The following MGAT4A variants were observed in gnomAD, a reference collection of about 807,000 sequenced individuals.
MGAT4A encodes the protein alpha-1,3-mannosyl-glycoprotein 4-beta-N-acetylglucosaminyltransferase A.
MGAT4A carries 33 observed loss-of-function variants against 74.1 expected under a neutral mutation model. The observed-to-expected ratio is 0.45, with a 90% CI of 0.34 to 0.60. The LOEUF (loss-of-function observed/expected upper bound fraction) is 0.60, where lower values mean the gene tolerates loss of function less well. Among genes scored for constraint, MGAT4A ranks in the 20% least tolerant of loss-of-function variants. The pLI is 0.02. For missense variants in MGAT4A, 479 were observed against 628.3 expected, an observed-to-expected ratio of 0.76 and a Z score of 2.54; for synonymous variants, 198 against 210.4, an observed-to-expected ratio of 0.94 and a Z score of 0.51.
chr2:98,701,486 A>C (rs1702355440), intron 2 of MGAT4A, among the ~76,000 whole-genome samples: 1 of 152,252 alleles, frequency 6.6e-6, no homozygotes. Context: ...TATGTCGGCC[A>C]TGAATAATAT....
intron 8 of MGAT4A, among the ~76,000 whole-genome samples, chr2:98,649,375 C>A (rs923870120): frequency 6.6e-6 from 1 of 152,148 alleles, no homozygotes; most frequent in African/African-American, 2.4e-5. Context: ...CATTCCACAG[C>A]CAGAGGCCCT....
intron 10 of MGAT4A, among the ~76,000 whole-genome samples, chr2:98,642,624 A>C (rs1701426918): frequency 1.3e-5 from 2 of 152,224 alleles, no homozygotes; most frequent in Non-Finnish European, 2.9e-5. Context: ...GGACGAATGG[A>C]ATGCAAGTGT....
Position 98,625,086 on chromosome 2 carries a change from A to G in MGAT4A, c.*480T>C. 1.0e-6 allele frequency: 1 copy of G among 964,594 alleles called. No individual in the cohort carries two copies. The highest frequency in any genetic ancestry group is 1.2e-6 in the Non-Finnish European group (1 of 810,828). The allele number at this position is 964,594 out of a possible 1,614,324, so 59.8% of individuals were successfully genotyped here. A position where few individuals can be genotyped will look rare whatever the true frequency, so the allele number is the denominator to read the frequency against. ...TATCGATTCAAAAATCTACTGCACAAAAATATGTACTTCTTAAGTGTTTCT... is the reference window on the plus strand; with the variant it reads ...TATCGATTCAAAAATCTACTGCACAGAAATATGTACTTCTTAAGTGTTTCT... On this transcript the variant is annotated 3_prime_UTR_variant, in exon 16 of 16. Coordinates refer to ENST00000393487, the MANE Select transcript of MGAT4A (RefSeq NM_012214.3).
intron 2 of MGAT4A, among the ~76,000 whole-genome samples, chr2:98,690,252 G>A (rs754820496): frequency 6.6e-6 from 1 of 152,240 alleles, no homozygotes; most frequent in Non-Finnish European, 1.5e-5. Context: ...GAAAGACTGA[G>A]TGAGGGAGCT....
At chr2:98,710,181 A>G (rs1290719010) in intron 2 of MGAT4A, among the ~76,000 whole-genome samples, 10 of 152,204 alleles carry the variant, frequency 6.6e-5, no homozygotes, top group Non-Finnish European at 1.5e-4. Context: ...CTAATTCCAC[A>G]TCATCAGACA....
Position 98,623,592 on chromosome 2 carries a change from A to G in MGAT4A, c.*1974T>C, listed in dbSNP as rs1701094651. ...AAATTTGAGAAGAAAAAAATTCAAG[A>G]AAGTGAAAAGTAAATTTAAAACATC... On this transcript the variant is annotated 3_prime_UTR_variant, in exon 16 of 16. Transcript: ENST00000393487. 2 of 985,232 alleles carry G rather than the reference A, an allele frequency of 2.0e-6. No homozygotes were observed. Among genetic ancestry groups the G allele is most frequent in the African/African-American group, 1.7e-5 (1 of 57,234 alleles). The allele number at this position is 985,232 out of a possible 1,614,324, so 61.0% of individuals were successfully genotyped here.
rs375969022 is a variant in MGAT4A, at chr2:98,663,094, C to T, written c.489G>A (p.Leu163=). The T allele has an allele frequency of 1.2e-5, 19 of 1,599,108 alleles. No homozygotes were observed. Among genetic ancestry groups the T allele is most frequent in the Non-Finnish European group, 1.5e-5 (18 of 1,170,314 alleles). ...IETLHSLIDN[L]YPEEKLDCVI... is the part of the protein sequence containing the mutation. ...CACAGTCCAACTTCTCTTCAGGATA[C>T]AGGTTATCAATAAGGGAATGAAGAG... The change falls in exon 5 of 16, where the codon CTG becomes CTA. Residue 163 remains leucine (L), a synonymous_variant. Coordinates refer to ENST00000393487, the MANE Select transcript of MGAT4A (RefSeq NM_012214.3).
In MGAT4A at chr2:98,679,128, C is replaced by T. The variant is rs570212122; in HGVS notation, c.95-657G>A. 1.2e-4 allele frequency among the ~76,000 whole-genome samples: 19 copies of T among 152,112 alleles called. No individual in the cohort carries two copies. The South Asian group carries it at 2.7e-3, about 22-fold the overall frequency. On this transcript the variant is annotated intron_variant, in intron 2 of 15. Transcript: ENST00000393487. Reference sequence around the variant, plus strand: ...GGAGTTCAAGACCAGCCTAGATGGCCGGGTGCGGTGGCTCACGCCTGTAAT... The same window carrying T: ...GGAGTTCAAGACCAGCCTAGATGGCTGGGTGCGGTGGCTCACGCCTGTAAT...
At chr2:98,720,306 A>C (rs926186338) in intron 2 of MGAT4A, among the ~76,000 whole-genome samples, 4 of 152,198 alleles carry the variant, frequency 2.6e-5, no homozygotes, top group African/African-American at 9.7e-5. Flanking sequence ...ACCCTCACCA[A>C]TGTGGGTGGG....
At chr2:98,678,988 C>A (rs1043495592) in intron 2 of MGAT4A, among the ~76,000 whole-genome samples, 1 of 152,288 alleles carries the variant, frequency 6.6e-6, no homozygotes, top group Non-Finnish European at 1.5e-5. Flanking sequence ...TTTCCCTAGG[C>A]TAGACTTTGG....
At position 98,680,036 on chromosome 2, in the gene MGAT4A, A is replaced by C. The variant is rs1468079185; in HGVS notation, c.95-1565T>G. Among the ~76,000 whole-genome samples, 4 of 131,100 alleles carry C rather than the reference A, an allele frequency of 3.1e-5. No individual in the cohort carries two copies. The East Asian group carries it at 8.0e-4, about 26-fold the overall frequency. 86.0% of individuals were successfully genotyped at this position (131,100 alleles called of 152,430 possible). On this transcript the variant is annotated intron_variant, in intron 2 of 15. Coordinates refer to ENST00000393487, the MANE Select transcript of MGAT4A (RefSeq NM_012214.3). ...TTTTGACACCTAAACAAACCTTAGA[A>C]AGGCTTTTTTTTTTTTTTTTCTGAG...
At position 98,621,467 on chromosome 2, in the gene MGAT4A, G is replaced by GTCTC; in HGVS notation, c.*4095_*4098dup. ...ATGGTGCCTGAGGTCCTTCTGCTTT[G>GTCTC]TCTCTTGACTTCTGCCACCAGCCCG... On this transcript the variant is annotated 3_prime_UTR_variant, in exon 16 of 16. Transcript: ENST00000393487. The GTCTC allele has an allele frequency of 6.4e-7, 1 of 1,551,552 alleles. No individual in the cohort carries two copies. Among genetic ancestry groups the GTCTC allele is most frequent in the Non-Finnish European group, 8.7e-7 (1 of 1,146,944 alleles).
chr2:98,662,914 G>C, intron 5 of MGAT4A, 132 bp downstream of exon 5: 1 of 605,212 alleles, frequency 1.7e-6, no homozygotes, highest in Non-Finnish European at 2.6e-6. Flanking sequence ...CTACCAGATA[G>C]AATATATTAC....
At chr2:98,652,293 C>T (rs571399707) in intron 8 of MGAT4A, among the ~76,000 whole-genome samples, 1 of 151,728 alleles carries the variant, frequency 6.6e-6, no homozygotes, top group Admixed American at 6.6e-5. Context: ...TTCTCCAAGA[C>T]AGACCACATG....
intron 2 of MGAT4A, among the ~76,000 whole-genome samples, chr2:98,704,925 T>C (rs886626940): frequency 6.6e-6 from 1 of 152,164 alleles, no homozygotes; most frequent in African/African-American, 2.4e-5. Flanking sequence ...TGAGCAAACA[T>C]GCTTCTGGAG....
Position 98,623,397 on chromosome 2 carries a change from C to T in MGAT4A, c.*2169G>A. Reference sequence around the variant, plus strand: ...TTCTTCATGAAACCAGAGTTGGCAACTGAGGAACCAGGGACCCAAGAGTAC... The same window carrying T: ...TTCTTCATGAAACCAGAGTTGGCAATTGAGGAACCAGGGACCCAAGAGTAC... On this transcript the variant is annotated 3_prime_UTR_variant, in exon 16 of 16. Transcript: ENST00000393487. The T allele has an allele frequency of 1.0e-6, 1 of 985,424 alleles. No individual in the cohort carries two copies. Among genetic ancestry groups the T allele is most frequent in the Non-Finnish European group, 1.2e-6 (1 of 829,936 alleles). 61.0% of individuals were successfully genotyped at this position (985,424 alleles called of 1,614,324 possible).
At chr2:98,649,386 C>G (rs916339131) in intron 8 of MGAT4A, among the ~76,000 whole-genome samples, 1 of 152,156 alleles carries the variant, frequency 6.6e-6, no homozygotes, top group Non-Finnish European at 1.5e-5. Flanking sequence ...CAGAGGCCCT[C>G]TCTTGGGCAC....
At chr2:98,718,575 T>A (rs1391781380) in intron 2 of MGAT4A, among the ~76,000 whole-genome samples, 1 of 152,176 alleles carries the variant, frequency 6.6e-6, no homozygotes, top group Non-Finnish European at 1.5e-5. Flanking sequence ...CACTCCAGAC[T>A]ACAGCAGCCA....
intron 2 of MGAT4A, among the ~76,000 whole-genome samples, chr2:98,699,632 A>G (rs1702324508): frequency 6.6e-6 from 1 of 152,212 alleles, no homozygotes; most frequent in African/African-American, 2.4e-5. Context: ...AATTTGTTAT[A>G]CCATTACTTA....
Sources: gnomAD v4.1 joint callset for allele counts (sites outside exome capture counted in the v4.1 genomes callset) on GRCh38, gnomAD v4.1.1 for gene constraint, MANE v1.5 for transcripts, NCBI Gene and HGNC (gene_info 2026-07-23, HGNC 2026-07-21) for gene names.